The following ANKS1A variants were observed in gnomAD, a reference collection of about 807,000 sequenced individuals.
The protein encoded by ANKS1A is ankyrin repeat and SAM domain-containing protein 1A.
In ANKS1A, 55 loss-of-function variants were observed where a neutral mutation model predicts 120.3. The ratio of observed to expected loss-of-function variants is 0.46; its 90% CI spans 0.37 to 0.57. The LOEUF is 0.57. Ranked by LOEUF, ANKS1A falls within the 20% of genes least tolerant of loss-of-function variation. ANKS1A has a pLI of 0.00. For missense variants in ANKS1A, 1,123 were observed against 1,480.3 expected (o/e 0.76, Z 3.96); for synonymous variants, 590 against 604.7 (o/e 0.98, Z 0.36).
chr6:34,920,401 A>G (rs1581694319), intron 1 of ANKS1A, among the ~76,000 whole-genome samples: 1 of 151,526 alleles, frequency 6.6e-6, no homozygotes, highest in African/African-American at 2.4e-5. Context: ...TTTTTTGTAG[A>G]GATGGGGGTC....
chr6:34,941,940 C>T (rs1291462606), intron 1 of ANKS1A, among the ~76,000 whole-genome samples: 1 of 152,128 alleles, frequency 6.6e-6, no homozygotes, highest in Non-Finnish European at 1.5e-5. Flanking sequence ...GAGCTGTTCT[C>T]TATGTAGTTG....
At position 35,084,473 on chromosome 6, in the gene ANKS1A, T is replaced by G. The variant is rs1777858515; in HGVS notation, c.3132+215T>G. On this transcript the variant is annotated intron_variant, in intron 21 of 23. Coordinates refer to ENST00000360359, the MANE Select transcript of ANKS1A (RefSeq NM_015245.3). The surrounding 1 kb of genome is among the most constrained non-coding windows in gnomAD (Gnocchi z 4.8). ...GGGAACAGGGACTGGCCCAGGGCAC[T>G]AGGGACAGGAGGTTCCAGCTTTTTT... 2.0e-5 allele frequency among the ~76,000 whole-genome samples: 3 copies of G among 146,690 alleles called. No individual in the cohort carries two copies. The South Asian group carries it at 6.5e-4, about 32-fold the overall frequency.
rs1014140890 is a variant in ANKS1A at position 35,050,316 on chromosome 6, C to G, written c.2011-3783C>G. Among the ~76,000 whole-genome samples the G allele has an allele frequency of 1.3e-5, 2 of 152,100 alleles. No homozygotes were observed. The highest frequency in any genetic ancestry group is 3.8e-4 in the East Asian group (2 of 5,202). The stretch of plus-strand genomic sequence containing the variant: ...TTTCAAGTCCTTATATTAACAAACA[C>G]GAGTATAAGTTTTCAGTCAGTTCAC... On this transcript the variant is annotated intron_variant, in intron 11 of 23. Coordinates refer to ENST00000360359, the MANE Select transcript of ANKS1A (RefSeq NM_015245.3). This position sits in a 1 kb window ranked among gnomAD's most constrained non-coding sequence, Gnocchi z 4.3.
At chr6:35,024,974 C>T (rs1262118685) in intron 11 of ANKS1A, among the ~76,000 whole-genome samples, 1 of 152,010 alleles carries the variant, frequency 6.6e-6, no homozygotes, top group Non-Finnish European at 1.5e-5. Context: ...GAGCAAAGCC[C>T]TCCCGCCCTG....
At chr6:34,977,086 T>C (rs6932857) in intron 3 of ANKS1A, among the ~76,000 whole-genome samples, 101,404 of 152,040 alleles carry the variant, frequency 0.67, 36,053 homozygotes, top group Non-Finnish European at 0.8. Flanking sequence ...TCCAGGATCA[T>C]ACATATTAAT....
At position 34,920,031 on chromosome 6, in the gene ANKS1A, C is replaced by T. The variant is rs141534957; in HGVS notation, c.197+30432C>T. ...AGTAGGTAAGGTCTGTCAGCCACAG[C>T]CATATCCGCTTGAAGATGTTAGGGT... On this transcript the variant is annotated intron_variant, in intron 1 of 23. Transcript: ENST00000360359. Among the ~76,000 whole-genome samples, 171 of 152,134 alleles carry T rather than the reference C, an allele frequency of 1.1e-3. 1 individual carries two copies. Among genetic ancestry groups the T allele is most frequent in the Admixed American group, 0.011 (166 of 15,272 alleles).
At chr6:35,005,419 C>T (rs1407857083) in intron 10 of ANKS1A, among the ~76,000 whole-genome samples, 1 of 152,156 alleles carries the variant, frequency 6.6e-6, no homozygotes, top group Non-Finnish European at 1.5e-5. Context: ...AGTGGAAACA[C>T]TTTGTGTAAA....
At position 34,929,837 on chromosome 6, in the gene ANKS1A, C is replaced by G. The variant is rs575072056; in HGVS notation, c.198-37402C>G. Among the ~76,000 whole-genome samples the G allele has an allele frequency of 1.2e-4, 16 of 132,528 alleles. No homozygotes were observed. The South Asian group carries it at 1.8e-3, about 15-fold the overall frequency. 86.9% of individuals were successfully genotyped at this position (132,528 alleles called of 152,430 possible). A position where few individuals can be genotyped will look rare whatever the true frequency, so the allele number is the denominator to read the frequency against. Reference sequence around the variant, plus strand: ...TCTCTCTTTCTCTTTCTTTCTTTCTCTCTTTCTTTCTCTTTCTCTCTCTTT... The same window carrying G: ...TCTCTCTTTCTCTTTCTTTCTTTCTGTCTTTCTTTCTCTTTCTCTCTCTTT... On this transcript the variant is annotated intron_variant, in intron 1 of 23. Transcript: ENST00000360359.
At chr6:35,065,219 T>A (rs6937805) in intron 13 of ANKS1A, among the ~76,000 whole-genome samples, 50,439 of 151,668 alleles carry the variant, frequency 0.33, 8,822 homozygotes, top group East Asian at 0.61. Context: ...CCCCCCTCCC[T>A]TTCACTGCCT....
At chr6:34,916,419 G>A (rs879847979) in intron 1 of ANKS1A, among the ~76,000 whole-genome samples, 4 of 152,154 alleles carry the variant, frequency 2.6e-5, no homozygotes, top group Non-Finnish European at 5.9e-5. Flanking sequence ...TAAAGTGTTC[G>A]TTAATGTGAA....
At chr6:35,033,756 T>C (rs1767820448) in intron 11 of ANKS1A, among the ~76,000 whole-genome samples, 1 of 152,234 alleles carries the variant, frequency 6.6e-6, no homozygotes, top group South Asian at 2.1e-4. Context: ...GAGATTGATC[T>C]CAATGAAGAA....
At chr6:34,952,059 G>A (rs371291203) in intron 1 of ANKS1A, among the ~76,000 whole-genome samples, 1 of 152,276 alleles carries the variant, frequency 6.6e-6, no homozygotes, top group East Asian at 1.9e-4. Context: ...CCATTTCTCA[G>A]GAAGCTATAT....
intron 1 of ANKS1A, among the ~76,000 whole-genome samples, chr6:34,907,486 G>A (rs1767700222): frequency 6.6e-6 from 1 of 152,094 alleles, no homozygotes; most frequent in Non-Finnish European, 1.5e-5. Context: ...CACAGGTTTT[G>A]AATCCCACAA....
chr6:35,014,979 G>A (rs1044929430), intron 10 of ANKS1A, among the ~76,000 whole-genome samples: 1 of 152,200 alleles, frequency 6.6e-6, no homozygotes, highest in African/African-American at 2.4e-5. Flanking sequence ...GGGTAGCTTT[G>A]TTCTGGCTGC....
intron 23 of ANKS1A, 56 bp from the exon 24 acceptor site, chr6:35,088,550 G>A (rs554558631): frequency 9.3e-6 from 15 of 1,604,844 alleles, no homozygotes; most frequent in Middle Eastern, 1.7e-4. Flanking sequence ...TTCCTCCACC[G>A]TCCGCAGGCC....
intron 1 of ANKS1A, among the ~76,000 whole-genome samples, chr6:34,897,681 G>A (rs1767157921): frequency 6.6e-6 from 1 of 152,184 alleles, no homozygotes. Flanking sequence ...CTTTGGTGTG[G>A]TTAGAGTTAA....
chr6:34,992,416 G>A (rs1337115947), intron 9 of ANKS1A, among the ~76,000 whole-genome samples: 1 of 152,196 alleles, frequency 6.6e-6, no homozygotes, highest in Non-Finnish European at 1.5e-5. Context: ...TGCTGCATGA[G>A]AAGAAAGGAT....
intron 1 of ANKS1A, among the ~76,000 whole-genome samples, chr6:34,903,133 G>C (rs1224215919): frequency 6.6e-6 from 1 of 152,142 alleles, no homozygotes; most frequent in Non-Finnish European, 1.5e-5. Flanking sequence ...TGATATAGTA[G>C]AAGCTAAAGC....
intron 1 of ANKS1A, among the ~76,000 whole-genome samples, chr6:34,919,207 C>T (rs1051427526): frequency 6.6e-6 from 1 of 152,100 alleles, no homozygotes; most frequent in Non-Finnish European, 1.5e-5. Flanking sequence ...GTTGGTAAAC[C>T]ACAATGTTTG....
Sources: gnomAD v4.1 joint callset for allele counts (sites outside exome capture counted in the v4.1 genomes callset) on GRCh38, gnomAD v4.1.1 for gene constraint, Gnocchi (gnomAD v3.1) non-coding constraint, MANE v1.5 for transcripts, NCBI Gene and HGNC (gene_info 2026-07-23, HGNC 2026-07-21) for gene names.